The following SPAG1 variants were observed in gnomAD, a reference collection of about 807,000 sequenced individuals.
SPAG1 encodes sperm-associated antigen 1.
SPAG1 carries 69 observed loss-of-function variants against 100.5 expected under a neutral mutation model. The ratio of observed to expected loss-of-function variants is 0.69; its 90% CI spans 0.57 to 0.84. SPAG1 has a LOEUF of 0.84. SPAG1 is among the 40% of genes least tolerant of loss of function. SPAG1 has a pLI of 0.00. For synonymous variants in SPAG1, 336 were observed against 411.6 expected (o/e 0.82, Z 2.22); for missense variants, 955 against 1,133.1 (o/e 0.84, Z 2.26).
In SPAG1 at chr8:100,176,842, T is replaced by TCC. The variant is rs1563775400; in HGVS notation, c.301-974_301-973insCC. Among the ~76,000 whole-genome samples the TCC allele has an allele frequency of 3.1e-4, 45 of 143,984 alleles. 1 individual carries two copies. The highest frequency in any genetic ancestry group is 6.4e-4 in the East Asian group (3 of 4,684). 94.5% of individuals were successfully genotyped at this position (143,984 alleles called of 152,430 possible). A position where few individuals can be genotyped will look rare whatever the true frequency, so the allele number is the denominator to read the frequency against. ...TCCTCTCCTCTCCTCTCCTCTCCTC[T>TCC]TCTCTCTCCTCCCTCTCCCCTTCCC... On this transcript the variant is annotated intron_variant, in intron 3 of 18. Coordinates refer to ENST00000388798, the MANE Select transcript of SPAG1 (RefSeq NM_003114.5).
chr8:100,169,768 G>T (rs1563770782), intron 3 of SPAG1, among the ~76,000 whole-genome samples: 1 of 151,964 alleles, frequency 6.6e-6, no homozygotes. Flanking sequence ...TTATGTGTGG[G>T]TCTATTTCTG....
intron 16 of SPAG1, 21 bp downstream of exon 16, chr8:100,233,558 A>T (rs1382173237): frequency 1.3e-6 from 2 of 1,563,712 alleles, no homozygotes; most frequent in South Asian, 2.3e-5. Context: ...CTTCATTTTA[A>T]TGCATAAACT....
chr8:100,165,511 C>A (rs1293148370), intron 2 of SPAG1: 3 of 366,504 alleles, frequency 8.2e-6, no homozygotes, highest in African/African-American at 2.1e-5. Flanking sequence ...CCCACGCCAA[C>A]TCCGCGGAGC....
At chr8:100,202,709 CAAAAAAAAAAA>C (rs750153561) in intron 10 of SPAG1, among the ~76,000 whole-genome samples, 3 of 27,450 alleles carry the variant, frequency 1.1e-4, no homozygotes, top group Admixed American at 4.8e-4. Context: ...GACTCCGTCT[CAAAAAAAAAAA>C]AAAAAAAAAA....
At chr8:100,212,425 A>G (rs944390785) in intron 10 of SPAG1, among the ~76,000 whole-genome samples, 1 of 152,222 alleles carries the variant, frequency 6.6e-6, no homozygotes. Flanking sequence ...CATCCTTTTT[A>G]TATTTAAAAA....
At chr8:100,168,699 G>GTTTTTTT (rs1199690445) in intron 3 of SPAG1, among the ~76,000 whole-genome samples, 1 of 107,214 alleles carries the variant, frequency 9.3e-6, no homozygotes, top group African/African-American at 3.9e-5. Flanking sequence ...TTTTTTTTTT[G>GTTTTTTT]TTGTTGAGAC....
intron 3 of SPAG1, among the ~76,000 whole-genome samples, chr8:100,172,082 A>G (rs572701224): frequency 6.6e-6 from 1 of 151,656 alleles, no homozygotes; most frequent in East Asian, 1.9e-4. Flanking sequence ...TTTTCTATTA[A>G]TGTGTTTCTC....
rs1368441593 is a variant in SPAG1 at position 100,191,409 on chromosome 8, T to C, written c.852T>C (p.Thr284=). The change falls in exon 9 of 19, where the codon ACT becomes ACC. Residue 284 remains threonine, a synonymous_variant. Coordinates refer to ENST00000388798, the MANE Select transcript of SPAG1 (RefSeq NM_003114.5). ...GNVKALLRRA[T]TYKHQNKLRE... is the part of the protein sequence containing the mutation. ...TTTCAGCTCTTCTGCGTCGTGCTAC[T>C]ACATATAAACATCAAAACAAGCTCC... The C allele has an allele frequency of 6.2e-7, 1 of 1,613,504 alleles. No individual in the cohort carries two copies. Among genetic ancestry groups the C allele is most frequent in the Non-Finnish European group, 8.5e-7 (1 of 1,179,522 alleles).
At chr8:100,231,104 T>C (rs1443747986) in intron 14 of SPAG1, 52 bp from the exon 15 acceptor site, 3 of 1,500,460 alleles carry the variant, frequency 2.0e-6, no homozygotes, top group Non-Finnish European at 2.7e-6. Context: ...CTTAAGATTT[T>C]ATAGAGGTGC....
intron 13 of SPAG1, among the ~76,000 whole-genome samples, chr8:100,224,730 A>C (rs913906431): frequency 2.0e-5 from 3 of 152,298 alleles, no homozygotes; most frequent in Admixed American, 6.5e-5. Context: ...AGTAGTTGGT[A>C]ATGTGGTTAT....
intron 1 of SPAG1, among the ~76,000 whole-genome samples, chr8:100,159,860 C>T (rs908307973): frequency 1.2e-4 from 18 of 152,158 alleles, no homozygotes; most frequent in Non-Finnish European, 1.5e-5. Context: ...CCTATTGAGA[C>T]TCGTATCCTT....
chr8:100,236,619 T>C (rs1022816546), intron 16 of SPAG1, among the ~76,000 whole-genome samples: 1 of 152,240 alleles, frequency 6.6e-6, no homozygotes, highest in African/African-American at 2.4e-5. Flanking sequence ...TCTGTTTGTT[T>C]TCTGACTTTG....
intron 12 of SPAG1, among the ~76,000 whole-genome samples, chr8:100,214,988 CATATAT>C (rs71274967): frequency 6.0e-4 from 41 of 68,688 alleles, no homozygotes; most frequent in Admixed American, 9.4e-4. Flanking sequence ...AAACTTTACT[CATATAT>C]ATATATATAT....
chr8:100,178,294 T>C (rs1403065970), intron 4 of SPAG1, among the ~76,000 whole-genome samples: 1 of 152,014 alleles, frequency 6.6e-6, no homozygotes, highest in Non-Finnish European at 1.5e-5. Flanking sequence ...ATTGTATATA[T>C]CTAGTAGGGC....
At chr8:100,235,145 T>G (rs1005605670) in intron 16 of SPAG1, among the ~76,000 whole-genome samples, 26 of 152,162 alleles carry the variant, frequency 1.7e-4, no homozygotes, top group African/African-American at 6.3e-4. Flanking sequence ...GAGGCCTATG[T>G]CTCTGGCTTA....
In SPAG1 at chr8:100,191,469, T is replaced by C; in HGVS notation, c.912T>C (p.Asp304=). The part of the protein sequence containing the change: ...EATEDLSKVL[D]VEPDNDLAKK... ...CAGAAGATTTGAGTAAAGTACTAGA[T>C]GTTGAGCCTGATAATGATTTGGCCA... The change falls in exon 9 of 19, where the codon GAT becomes GAC. Residue 304 remains aspartate, a synonymous_variant. Transcript: ENST00000388798. 6.2e-7 allele frequency: 1 copy of C among 1,613,224 alleles called. No individual in the cohort carries two copies.
At chr8:100,224,886 A>G (rs1377835439) in intron 13 of SPAG1, among the ~76,000 whole-genome samples, 1 of 152,202 alleles carries the variant, frequency 6.6e-6, no homozygotes, top group East Asian at 1.9e-4. Flanking sequence ...AATATATTTA[A>G]CTTTCTCAAA....
chr8:100,164,826 A>T lies in SPAG1; in HGVS notation c.141-988A>T, dbSNP rs1381081899. On this transcript the variant is annotated intron_variant, in intron 2 of 18. Transcript: ENST00000388798. ...ATCAAACTATGAGTCTGCAAACCAGATGCTATCAAGCAAATTACCATCCAT... is the reference window on the plus strand; with the variant it reads ...ATCAAACTATGAGTCTGCAAACCAGTTGCTATCAAGCAAATTACCATCCAT... Among the ~76,000 whole-genome samples the T allele has an allele frequency of 3.3e-5, 5 of 152,246 alleles. No homozygotes were observed. In the East Asian group the frequency reaches 5.8e-4, roughly 18 times the overall value.
intron 13 of SPAG1, 69 bp downstream of exon 13, chr8:100,220,500 G>T: frequency 1.5e-6 from 2 of 1,301,864 alleles, no homozygotes; most frequent in South Asian, 2.8e-5. Flanking sequence ...CCTCCTTCAA[G>T]AACATGTCAA....
Sources: gnomAD v4.1 joint callset for allele counts (sites outside exome capture counted in the v4.1 genomes callset) on GRCh38, gnomAD v4.1.1 for gene constraint, MANE v1.5 for transcripts, NCBI Gene and HGNC (gene_info 2026-07-23, HGNC 2026-07-21) for gene names.